The following ZC3H3 variants were observed in gnomAD, a reference collection of about 807,000 sequenced individuals.
The protein encoded by ZC3H3 is zinc finger CCCH-type containing 3.
Under a neutral mutation model 77.3 loss-of-function variants are expected in ZC3H3, and 36 were observed. The observed-to-expected ratio is 0.47, with a 90% CI of 0.36 to 0.61. The LOEUF (loss-of-function observed/expected upper bound fraction) is 0.61. ZC3H3 is among the 20% of genes least tolerant of loss of function. The pLI is 0.00. For synonymous variants in ZC3H3, 626 were observed against 555.2 expected, an observed-to-expected ratio of 1.13 and a Z score of -1.79; for missense variants, 1,331 against 1,312.2, an observed-to-expected ratio of 1.01 and a Z score of -0.22.
At chr8:143,469,538 A>C (rs1820505310) in intron 5 of ZC3H3, among the ~76,000 whole-genome samples, 1 of 152,216 alleles carries the variant, frequency 6.6e-6, no homozygotes, top group East Asian at 1.9e-4. Context: ...CAAAACCCCA[A>C]GCATAAGCAC....
chr8:143,499,794 T>C (rs1563862674), intron 4 of ZC3H3, among the ~76,000 whole-genome samples: 1 of 152,102 alleles, frequency 6.6e-6, no homozygotes, highest in Non-Finnish European at 1.5e-5. Flanking sequence ...TCAGCACTCT[T>C]GGCAAAGGCC....
intron 9 of ZC3H3, among the ~76,000 whole-genome samples, chr8:143,448,267 T>C (rs1390510927): frequency 6.6e-6 from 1 of 151,602 alleles, no homozygotes; most frequent in Non-Finnish European, 1.5e-5. Context: ...GATAGCACCA[T>C]TGCACTCCAG....
At chr8:143,510,008 C>T (rs1020703770) in intron 3 of ZC3H3, among the ~76,000 whole-genome samples, 1 of 152,234 alleles carries the variant, frequency 6.6e-6, no homozygotes, top group Non-Finnish European at 1.5e-5. Context: ...TAGAACACTT[C>T]TGCCCAGGAG....
At chr8:143,498,352 G>C (rs386159) in intron 4 of ZC3H3, among the ~76,000 whole-genome samples, 1 of 152,178 alleles carries the variant, frequency 6.6e-6, no homozygotes, top group Non-Finnish European at 1.5e-5. Flanking sequence ...TCTGGCTCGG[G>C]GGGAATCAGG....
Position 143,468,197 on chromosome 8 carries a change from C to T in ZC3H3, c.2175+12G>A, listed in dbSNP as rs775968864. The T allele has an allele frequency of 4.3e-6, 7 of 1,609,328 alleles. No individual in the cohort carries two copies. Among genetic ancestry groups the T allele is most frequent in the East Asian group, 2.2e-5 (1 of 44,766 alleles). ...AGGTGCACGGGAGCAGGGCCACCAGCGCCGCACTCACCTTCTCCTTGGACA... is the reference window on the plus strand; with the variant it reads ...AGGTGCACGGGAGCAGGGCCACCAGTGCCGCACTCACCTTCTCCTTGGACA... On this transcript the variant is annotated intron_variant, in intron 8 of 11. Transcript: ENST00000262577.
intron 3 of ZC3H3, among the ~76,000 whole-genome samples, chr8:143,524,456 G>T (rs965176997): frequency 6.6e-6 from 1 of 152,226 alleles, no homozygotes; most frequent in Non-Finnish European, 1.5e-5. Flanking sequence ...ACACCCGGCC[G>T]AGGGGCCAAG....
chr8:143,516,195 G>C (rs1822034923), intron 3 of ZC3H3, among the ~76,000 whole-genome samples: 1 of 152,264 alleles, frequency 6.6e-6, no homozygotes, highest in Non-Finnish European at 1.5e-5. Flanking sequence ...ACAAGCCTCA[G>C]ATGTGGGATG....
chr8:143,520,366 GC>G (rs1822202875), intron 3 of ZC3H3, among the ~76,000 whole-genome samples: 1 of 152,224 alleles, frequency 6.6e-6, no homozygotes, highest in African/African-American at 2.4e-5. Flanking sequence ...AGCCCTGCAT[GC>G]GGTGAGGGGG....
At chr8:143,500,975 AC>A (rs1487957813) in intron 4 of ZC3H3, among the ~76,000 whole-genome samples, 2 of 106,970 alleles carry the variant, frequency 1.9e-5, no homozygotes, top group East Asian at 5.9e-4. Context: ...ACCATGCCCG[AC>A]CTTTTTTTTT....
At chr8:143,465,580 T>C in intron 9 of ZC3H3, 137 bp downstream of exon 9, 1 of 1,339,954 alleles carries the variant, frequency 7.5e-7, no homozygotes, top group Non-Finnish European at 1.0e-6. Context: ...GAGTCACCTG[T>C]GAGGTGGACG....
chr8:143,452,231 C>G (rs529357559), intron 9 of ZC3H3, among the ~76,000 whole-genome samples: 2 of 152,358 alleles, frequency 1.3e-5, no homozygotes, highest in East Asian at 3.9e-4. Flanking sequence ...GACATTCACC[C>G]CTTCTCCATC....
At chr8:143,534,955 C>T (rs958967635) in intron 3 of ZC3H3, among the ~76,000 whole-genome samples, 7 of 152,134 alleles carry the variant, frequency 4.6e-5, no homozygotes, top group African/African-American at 1.4e-4. Flanking sequence ...CCTGCCCTCC[C>T]GCGGCAGCCC....
chr8:143,522,611 A>C lies in ZC3H3; in HGVS notation c.1561+13646T>G, dbSNP rs570828619. ...GAGAGCAAGACTCTCTGTCTTAAAA[A>C]AAAACACACACACACAAATATATTG... On this transcript the variant is annotated intron_variant, in intron 3 of 11. Coordinates refer to ENST00000262577, the MANE Select transcript of ZC3H3 (RefSeq NM_015117.3). 3.6e-4 allele frequency among the ~76,000 whole-genome samples: 52 copies of C among 146,446 alleles called. 1 individual carries two copies. Among genetic ancestry groups the C allele is most frequent in the South Asian group, 1.1e-3 (5 of 4,494 alleles).
At chr8:143,483,478 CTGAGT>C (rs1820964164) in intron 4 of ZC3H3, among the ~76,000 whole-genome samples, 1 of 152,174 alleles carries the variant, frequency 6.6e-6, no homozygotes, top group African/African-American at 2.4e-5. Context: ...ACAGAATGTC[CTGAGT>C]TCCGGAGGAG....
intron 2 of ZC3H3, 65 bp downstream of exon 2, chr8:143,537,938 A>C: frequency 7.0e-7 from 1 of 1,436,514 alleles, no homozygotes; most frequent in Non-Finnish European, 9.4e-7. Flanking sequence ...CAGATCCATT[A>C]GGGGTGCCAA....
intron 4 of ZC3H3, among the ~76,000 whole-genome samples, chr8:143,496,897 G>T (rs1422355113): frequency 6.6e-6 from 1 of 152,228 alleles, no homozygotes; most frequent in Non-Finnish European, 1.5e-5. Flanking sequence ...CCAGTGGAAG[G>T]ACAGTGCACA....
rs571152984 is a variant in ZC3H3 at position 143,453,030 on chromosome 8, T to C, written c.2308-11910A>G. On this transcript the variant is annotated intron_variant, in intron 9 of 11. Transcript: ENST00000262577. ...ATAGACCAAAGACATCTACCCCAGA[T>C]GTCAGACAGTGAAAGTTAAAGACAA... 2.6e-5 allele frequency among the ~76,000 whole-genome samples: 4 copies of C among 152,342 alleles called. No individual in the cohort carries two copies. The South Asian group carries it at 8.3e-4, about 32-fold the overall frequency.
intron 5 of ZC3H3, among the ~76,000 whole-genome samples, chr8:143,473,249 C>T (rs866439802): frequency 2.6e-5 from 4 of 152,270 alleles, no homozygotes; most frequent in Non-Finnish European, 5.9e-5. Flanking sequence ...CGATGCCTCA[C>T]GCCCCCTCCC....
intron 9 of ZC3H3, among the ~76,000 whole-genome samples, chr8:143,451,167 C>T (rs988887421): frequency 3.3e-5 from 5 of 152,098 alleles, no homozygotes; most frequent in African/African-American, 4.8e-5. Flanking sequence ...GACACGGGAA[C>T]AGGTGCTCCC....
Sources: gnomAD v4.1 joint callset for allele counts (sites outside exome capture counted in the v4.1 genomes callset) on GRCh38, gnomAD v4.1.1 for gene constraint, MANE v1.5 for transcripts, NCBI Gene and HGNC (gene_info 2026-07-23, HGNC 2026-07-21) for gene names.